The following RELN variants were observed in gnomAD, a reference collection of about 807,000 sequenced individuals.
The protein encoded by RELN is reelin.
A neutral mutation model predicts 427.6 loss-of-function variants in RELN; 108 were observed. The ratio of observed to expected loss-of-function variants is 0.25; its 90% CI spans 0.22 to 0.30. The LOEUF is 0.30. RELN is among the 10% of genes least tolerant of loss of function. The pLI, the probability that RELN is intolerant of heterozygous loss-of-function variation, is 1.00. For missense variants in RELN, 3,715 were observed against 4,302.8 expected, an observed-to-expected ratio of 0.86 and a Z score of 3.82; for synonymous variants, 1,524 against 1,513.4, an observed-to-expected ratio of 1.01 and a Z score of -0.16.
chr7:103,663,545 T>C (rs1030584996), intron 11 of RELN, among the ~76,000 whole-genome samples: 21 of 152,262 alleles, frequency 1.4e-4, no homozygotes, highest in African/African-American at 5.1e-4. Context: ...ATTGGCACAT[T>C]GGGAAACACC....
intron 1 of RELN, among the ~76,000 whole-genome samples, chr7:103,977,135 AC>A (rs1412997657): frequency 2.0e-5 from 3 of 151,066 alleles, no homozygotes; most frequent in African/African-American, 7.3e-5. Context: ...ACATGGTGAA[AC>A]CCCGTCTCTA....
chr7:103,956,984 GCA>G (rs1341023229), intron 1 of RELN, among the ~76,000 whole-genome samples: 4 of 152,154 alleles, frequency 2.6e-5, no homozygotes, highest in African/African-American at 9.7e-5. Flanking sequence ...GGAACTGGAA[GCA>G]CAGACACAGG....
chr7:103,668,802 T>C (rs1301191624), intron 11 of RELN, among the ~76,000 whole-genome samples: 1 of 152,210 alleles, frequency 6.6e-6, no homozygotes, highest in African/African-American at 2.4e-5. Context: ...TTGCTCCATT[T>C]ATCCCAATTA....
In RELN at chr7:103,472,968, A is replaced by G. The variant is rs767570353; in HGVS notation, c.10287-60T>C. ...AAAGGAAAAAGAGCATGTAAGTCCC[A>G]TCATTGAACGTGCAATCTATTCTAG... On this transcript the variant is annotated intron_variant, in intron 64 of 64. Coordinates refer to ENST00000428762, the MANE Select transcript of RELN (RefSeq NM_005045.4). The G allele has an allele frequency of 5.3e-5, 69 of 1,308,642 alleles. 1 individual carries two copies. The South Asian group carries it at 5.3e-4, about 10-fold the overall frequency. 81.1% of individuals were successfully genotyped at this position (1,308,642 alleles called of 1,614,324 possible).
At position 103,613,483 on chromosome 7, in the gene RELN, TAAAAG is replaced by T. The variant is rs367805000; in HGVS notation, c.2703-1685_2703-1681del. On this transcript the variant is annotated intron_variant, in intron 20 of 64. Coordinates refer to ENST00000428762, the MANE Select transcript of RELN (RefSeq NM_005045.4). ...GCAATTTTTAGCAATATTGGAAAAA[TAAAAG>T]AAATCAACACAGAATAAAAATCATA... Among the ~76,000 whole-genome samples, 226 of 152,054 alleles carry T rather than the reference TAAAAG, an allele frequency of 1.5e-3. 1 individual carries two copies. Among genetic ancestry groups the T allele is most frequent in the African/African-American group, 4.9e-3 (204 of 41,472 alleles).
intron 4 of RELN, among the ~76,000 whole-genome samples, chr7:103,766,024 T>C (rs1278382444): frequency 6.6e-6 from 1 of 152,192 alleles, no homozygotes; most frequent in African/African-American, 2.4e-5. Flanking sequence ...CTCTTTGTCA[T>C]TCCCCTTAAT....
At chr7:103,565,651 T>C in intron 33 of RELN, 100 bp from the exon 34 acceptor site, 2 of 1,175,286 alleles carry the variant, frequency 1.7e-6, no homozygotes, top group South Asian at 1.3e-5. Flanking sequence ...ACAAAAATCA[T>C]GGCCTATCTT....
chr7:103,891,326 C>T (rs2116591692), intron 2 of RELN, among the ~76,000 whole-genome samples: 1 of 152,208 alleles, frequency 6.6e-6, no homozygotes, highest in African/African-American at 2.4e-5. Context: ...TAAATTACAG[C>T]ATATCATACT....
At chr7:103,930,588 C>G (rs1795840019) in intron 1 of RELN, among the ~76,000 whole-genome samples, 1 of 152,072 alleles carries the variant, frequency 6.6e-6, no homozygotes, top group Non-Finnish European at 1.5e-5. Flanking sequence ...CCTCAGCCTC[C>G]TGAGTCACTG....
At chr7:103,980,615 CCTCT>C (rs1337809359) in intron 1 of RELN, among the ~76,000 whole-genome samples, 3 of 152,288 alleles carry the variant, frequency 2.0e-5, no homozygotes, top group African/African-American at 7.2e-5. Context: ...AAAACACTAA[CCTCT>C]CTGTGACTCA....
intron 1 of RELN, among the ~76,000 whole-genome samples, chr7:103,935,867 C>A (rs1363473580): frequency 6.6e-6 from 1 of 152,138 alleles, no homozygotes; most frequent in Non-Finnish European, 1.5e-5. Context: ...CCAATTTGAT[C>A]CTTTCTCAGT....
intron 11 of RELN, among the ~76,000 whole-genome samples, chr7:103,674,062 G>C (rs1833454969): frequency 6.6e-6 from 1 of 151,532 alleles, no homozygotes; most frequent in East Asian, 1.9e-4. Context: ...TTCTAATGTT[G>C]GAAGTGCAAC....
chr7:103,717,783 A>G (rs1005414330), intron 8 of RELN, among the ~76,000 whole-genome samples: 20 of 151,224 alleles, frequency 1.3e-4, no homozygotes, highest in African/African-American at 4.6e-4. Flanking sequence ...GTGATTCTGG[A>G]AAAAAAAATG....
chr7:103,761,107 CCT>C (rs1271499196), intron 4 of RELN, among the ~76,000 whole-genome samples: 1 of 152,098 alleles, frequency 6.6e-6, no homozygotes, highest in African/African-American at 2.4e-5. Flanking sequence ...TTTTCTCTTC[CCT>C]CTCTGATTTT....
chr7:103,876,388 C>G (rs939104928), intron 2 of RELN, among the ~76,000 whole-genome samples: 6 of 152,112 alleles, frequency 3.9e-5, no homozygotes, highest in Admixed American at 6.6e-5. Context: ...AACACACACA[C>G]AAATAAAATT....
chr7:103,817,596 T>C (rs944062390), intron 3 of RELN, among the ~76,000 whole-genome samples: 21 of 152,154 alleles, frequency 1.4e-4, no homozygotes, highest in Admixed American at 1.4e-3. Flanking sequence ...AGGATTTCCT[T>C]TGTGAAAAGC....
chr7:103,701,499 A>T (rs182175455), intron 8 of RELN, among the ~76,000 whole-genome samples: 1 of 152,276 alleles, frequency 6.6e-6, no homozygotes, highest in Non-Finnish European at 1.5e-5. Context: ...CAAATACTAA[A>T]TGAATGAGTA....
rs538531879 is a variant in RELN, at chr7:103,480,853, T to C, written c.10280+2020A>G. Among the ~76,000 whole-genome samples the C allele has an allele frequency of 7.9e-5, 12 of 152,374 alleles. No homozygotes were observed. In the East Asian group the frequency reaches 2.3e-3, roughly 29 times the overall value. ...TGCTCTTGTCTCATTCAAAATGTTTTAGTGCTCTGAGAGTTTGAGATAATA... is the reference window on the plus strand; with the variant it reads ...TGCTCTTGTCTCATTCAAAATGTTTCAGTGCTCTGAGAGTTTGAGATAATA... On this transcript the variant is annotated intron_variant, in intron 63 of 64. Coordinates refer to ENST00000428762, the MANE Select transcript of RELN (RefSeq NM_005045.4).
intron 2 of RELN, among the ~76,000 whole-genome samples, chr7:103,834,010 C>T (rs1292886877): frequency 2.0e-5 from 3 of 152,064 alleles, no homozygotes; most frequent in Non-Finnish European, 4.4e-5. Flanking sequence ...GCAAGGGAGA[C>T]CAAACGCCAT....
Sources: gnomAD v4.1 joint callset for allele counts (sites outside exome capture counted in the v4.1 genomes callset) on GRCh38, gnomAD v4.1.1 for gene constraint, MANE v1.5 for transcripts, NCBI Gene and HGNC (gene_info 2026-07-23, HGNC 2026-07-21) for gene names.